POLA1: variants seen among roughly 807,000 people sequenced by gnomAD.
POLA1 encodes the protein DNA polymerase alpha catalytic subunit.
Under a neutral mutation model 124.0 loss-of-function variants are expected in POLA1, and 15 were observed. That is an observed-to-expected ratio of 0.12 (90% CI 0.08 to 0.19). The LOEUF is 0.19. Ranked by LOEUF, POLA1 falls within the 10% of genes least tolerant of loss-of-function variation. The pLI, the probability that POLA1 is intolerant of heterozygous loss-of-function variation, is 1.00. For missense variants in POLA1, 886 were observed against 1,103.4 expected (o/e 0.80, Z 2.79); for synonymous variants, 408 against 389.4 (o/e 1.05, Z -0.56).
chrX:24,778,582 T>C (rs1177801269), intron 26 of POLA1, among the ~76,000 whole-genome samples: 4 of 112,165 alleles, frequency 3.6e-5, no homozygotes, highest in Non-Finnish European at 7.5e-5. Flanking sequence ...AACTAAAATA[T>C]GTTAAAATTA....
At chrX:24,724,663 T>C (rs1930423234) in intron 12 of POLA1, among the ~76,000 whole-genome samples, 3 of 112,731 alleles carry the variant, frequency 2.7e-5, no homozygotes, top group Admixed American at 1.9e-4. Context: ...AAATAATGTT[T>C]ATTAATTTGA....
intron 31 of POLA1, among the ~76,000 whole-genome samples, chrX:24,822,078 C>T (rs2046098222): frequency 9.1e-6 from 1 of 110,107 alleles, no homozygotes; most frequent in Non-Finnish European, 1.9e-5. Context: ...TGGAGAGGGC[C>T]CACCTCCTTA....
intron 34 of POLA1, among the ~76,000 whole-genome samples, chrX:24,852,921 T>A (rs1056025013): frequency 9.0e-6 from 1 of 111,625 alleles, no homozygotes; most frequent in Non-Finnish European, 1.9e-5. Context: ...CCATCCACCA[T>A]CAAAGAATGT....
At chrX:24,947,169 G>GTC (rs1387592928) in intron 36 of POLA1, among the ~76,000 whole-genome samples, 1 of 103,679 alleles carries the variant, frequency 9.6e-6, no homozygotes, top group African/African-American at 3.5e-5. Context: ...AATGAGGACT[G>GTC]TCTCAACCCA....
chrX:24,773,353 A>T (rs1213224288), intron 26 of POLA1, among the ~76,000 whole-genome samples: 1 of 111,807 alleles, frequency 8.9e-6, no homozygotes, highest in Non-Finnish European at 1.9e-5. Context: ...ATTTACAGTG[A>T]TTTTGATGAA....
In POLA1 at chrX:24,982,693, C is replaced by CT. The variant is rs768817142; in HGVS notation, c.4262-13103dup. On this transcript the variant is annotated intron_variant, in intron 36 of 36. Transcript: ENST00000379068. Reference sequence around the variant, plus strand: ...TTCAACCACTGGGTTCACTGTTCTACTTTTTTTTTAATAGCACAAATGGAA... The same window carrying CT: ...TTCAACCACTGGGTTCACTGTTCTACTTTTTTTTTTAATAGCACAAATGGAA... Among the ~76,000 whole-genome samples the CT allele has an allele frequency of 1.8e-3, 201 of 109,344 alleles. 1 individual carries two copies. The highest frequency in any genetic ancestry group is 6.4e-3 in the African/African-American group (194 of 30,101). The allele number at this position is 109,344 out of a possible 115,157, so 95.0% of individuals were successfully genotyped here.
At chrX:24,741,341 C>G in intron 20 of POLA1, 34 bp from the exon 21 acceptor site, 2 of 1,106,195 alleles carry the variant, frequency 1.8e-6, no homozygotes, top group Non-Finnish European at 2.5e-6. Context: ...CTTTTAATTA[C>G]TTGATTCTGT....
At chrX:24,985,595 G>A (rs775326573) in intron 36 of POLA1, among the ~76,000 whole-genome samples, 1 of 111,956 alleles carries the variant, frequency 8.9e-6, no homozygotes, top group South Asian at 3.8e-4. Context: ...AAATTCAGTT[G>A]AATATCCTTG....
intron 1 of POLA1, among the ~76,000 whole-genome samples, chrX:24,696,854 C>G: frequency 8.9e-6 from 1 of 111,900 alleles, no homozygotes; most frequent in East Asian, 2.8e-4. Context: ...ACCTTGCACA[C>G]TGAGTTCTCT....
At chrX:24,829,364 G>A (rs901628559) in intron 32 of POLA1, among the ~76,000 whole-genome samples, 1 of 111,602 alleles carries the variant, frequency 9.0e-6, no homozygotes, top group Non-Finnish European at 1.9e-5. Context: ...TATCGCGGAT[G>A]TGTGAAGTTG....
chrX:24,736,457 A>G (rs911912654), intron 18 of POLA1, among the ~76,000 whole-genome samples: 8 of 111,693 alleles, frequency 7.2e-5, no homozygotes, highest in African/African-American at 2.3e-4. Flanking sequence ...TTGGACCCCA[A>G]GGAGATGCCA....
At chrX:24,697,126 C>A (rs887319690) in intron 1 of POLA1, among the ~76,000 whole-genome samples, 1 of 111,193 alleles carries the variant, frequency 9.0e-6, no homozygotes, top group African/African-American at 3.3e-5. Flanking sequence ...AGGTACTTTG[C>A]TTTACTTGAC....
At chrX:24,893,114 C>T in intron 35 of POLA1, among the ~76,000 whole-genome samples, 1 of 111,622 alleles carries the variant, frequency 9.0e-6, no homozygotes, top group East Asian at 2.8e-4. Flanking sequence ...TGCCAAGCTA[C>T]CTGGGGAAGT....
intron 34 of POLA1, among the ~76,000 whole-genome samples, chrX:24,865,976 A>G (rs372636331): frequency 2.7e-5 from 3 of 111,911 alleles, no homozygotes; most frequent in East Asian, 5.6e-4. Context: ...GGTGACAAAA[A>G]TACGATGTTT....
intron 34 of POLA1, among the ~76,000 whole-genome samples, chrX:24,866,946 G>C (rs1322829454): frequency 1.8e-5 from 2 of 111,446 alleles, no homozygotes; most frequent in Non-Finnish European, 3.8e-5. Context: ...TAATGACAAA[G>C]TAATTTCTTC....
In POLA1 at chrX:24,752,579, T is replaced by A. The variant is rs758951783; in HGVS notation, c.2964+3587T>A. Among the ~76,000 whole-genome samples the A allele has an allele frequency of 3.6e-5, 4 of 112,154 alleles. No individual in the cohort carries two copies. The South Asian group carries it at 1.5e-3, about 42-fold the overall frequency. ...GGGGTATCAGTTGTCAAATGTCTGA[T>A]GTGGTAATTGAAGTGATTGTTCACT... On this transcript the variant is annotated intron_variant, in intron 26 of 36. Coordinates refer to ENST00000379068, the MANE Select transcript of POLA1 (RefSeq NM_001330360.2).
chrX:24,876,611 T>G (rs1425477823), intron 34 of POLA1, among the ~76,000 whole-genome samples: 3 of 102,836 alleles, frequency 2.9e-5, no homozygotes, highest in African/African-American at 1.1e-4. Flanking sequence ...CAATTAAGGA[T>G]TCCATTAAGT....
At position 24,704,435 on chromosome X, in the gene POLA1, C is replaced by T; in HGVS notation, c.312C>T (p.Asp104=). 1 of 1,201,441 alleles carries T rather than the reference C, an allele frequency of 8.3e-7. No individual in the cohort carries two copies. Residue 104 remains aspartate (D), a synonymous_variant, in exon 4 of 37, where the codon GAC becomes GAT. Coordinates refer to ENST00000379068, the MANE Select transcript of POLA1 (RefSeq NM_001330360.2). ...VEDGREIFDD[D]LEDDALDADE... ...ATGGCCGAGAGATTTTTGATGATGA[C>T]CTTGAAGATGATGCCCTTGATGCTG...
At chrX:24,742,514 A>G (rs1931732339) in intron 22 of POLA1, among the ~76,000 whole-genome samples, 1 of 112,295 alleles carries the variant, frequency 8.9e-6, no homozygotes. Flanking sequence ...AGTATGACCA[A>G]GGTCACCCAC....
Sources: allele counts gnomAD v4.1 joint callset (sites outside exome capture counted in the v4.1 genomes callset), GRCh38; gene constraint gnomAD v4.1.1; transcripts MANE v1.5; gene names NCBI Gene and HGNC (gene_info 2026-07-23, HGNC 2026-07-21).